SH3PXD2B: variants seen among roughly 807,000 people sequenced by gnomAD.
SH3PXD2B encodes SH3 and PX domains 2B, also known as SH3 and PX domain-containing protein 2B.
Under a neutral mutation model 73.1 loss-of-function variants are expected in SH3PXD2B, and 37 were observed. That is an observed-to-expected ratio of 0.51 (90% confidence interval 0.39 to 0.67). The LOEUF is 0.67. Ranked by LOEUF, SH3PXD2B falls within the 30% of genes least tolerant of loss-of-function variation. SH3PXD2B has a pLI of 0.00. For synonymous variants in SH3PXD2B, 457 were observed against 480.5 expected (o/e 0.95, Z 0.64); for missense variants, 1,053 against 1,197.8 (o/e 0.88, Z 1.78).
intron 6 of SH3PXD2B, among the ~76,000 whole-genome samples, chr5:172,365,223 C>T (rs1439704312): frequency 6.6e-6 from 1 of 152,172 alleles, no homozygotes; most frequent in African/African-American, 2.4e-5. Context: ...GGGCAGGAAG[C>T]AGCCTCAATG....
chr5:172,451,658 C>T (rs1471363359), intron 1 of SH3PXD2B, among the ~76,000 whole-genome samples: 2 of 152,176 alleles, frequency 1.3e-5, no homozygotes. Flanking sequence ...AGTTCAACTC[C>T]CCAGCTGATG....
At chr5:172,432,732 T>G (rs1263604174) in intron 1 of SH3PXD2B, among the ~76,000 whole-genome samples, 1 of 152,096 alleles carries the variant, frequency 6.6e-6, no homozygotes, top group Non-Finnish European at 1.5e-5. Context: ...GCCTGGCTGG[T>G]GAACCTCCGT....
chr5:172,368,498 A>ATATATATATAAAATATATATTTAT (rs1757587764), intron 6 of SH3PXD2B, among the ~76,000 whole-genome samples: 1 of 5,834 alleles, frequency 1.7e-4, no homozygotes, highest in Non-Finnish European at 3.0e-4. Context: ...TATATATATT[A>ATATATATATAAAATATATATTTAT]TATATATATA....
chr5:172,367,380 CTCTCA>C (rs111280775), intron 6 of SH3PXD2B, among the ~76,000 whole-genome samples: 8,660 of 148,042 alleles, frequency 0.058, 401 homozygotes, highest in African/African-American at 0.13. Context: ...TCTAATCCCC[CTCTCA>C]TCAGTTTTTT....
chr5:172,352,233 T>C (rs994741517), intron 9 of SH3PXD2B, among the ~76,000 whole-genome samples: 7 of 152,158 alleles, frequency 4.6e-5, no homozygotes, highest in African/African-American at 1.7e-4. Flanking sequence ...AAAAAACTAA[T>C]GTCTTTAAAT....
At chr5:172,369,535 C>A (rs979782229) in intron 6 of SH3PXD2B, among the ~76,000 whole-genome samples, 1 of 151,898 alleles carries the variant, frequency 6.6e-6, no homozygotes, top group Non-Finnish European at 1.5e-5. Context: ...TTTGGGAGGC[C>A]GAGGTGGGCG....
At chr5:172,400,272 A>T (rs905808015) in intron 3 of SH3PXD2B, among the ~76,000 whole-genome samples, 2 of 152,194 alleles carry the variant, frequency 1.3e-5, no homozygotes, top group Non-Finnish European at 2.9e-5. Flanking sequence ...AGACTGTGTT[A>T]ACTCACATGC....
Position 172,339,532 on chromosome 5 carries a change from G to C in SH3PXD2B, c.1573C>G (p.Arg525Gly). ...DMEEKPSLPP[R>G]KESIIKSEGE... is the part of the protein sequence containing the mutation. ...TCCGACTTGATGATGGATTCTTTCC[G>C]CGGAGGGAGGCTGGGCTTCTCCTCC... Residue 525 changes from arginine (R) to glycine (G), a missense_variant, in exon 13 of 13, where the codon CGG becomes GGG. Physicochemically the swap from Arg to Gly is moderately radical, Grantham distance 125. Coordinates refer to ENST00000311601, the MANE Select transcript of SH3PXD2B (RefSeq NM_001017995.3). This position sits in a 1 kb window ranked among gnomAD's most constrained non-coding sequence, Gnocchi z 6.1. 6.2e-7 allele frequency: 1 copy of C among 1,614,114 alleles called. No individual in the cohort carries two copies. Among genetic ancestry groups the C allele is most frequent in the Non-Finnish European group, 8.5e-7 (1 of 1,180,024 alleles).
intron 7 of SH3PXD2B, among the ~76,000 whole-genome samples, chr5:172,360,687 C>G (rs1757380570): frequency 6.6e-6 from 1 of 152,112 alleles, no homozygotes; most frequent in South Asian, 2.1e-4. Flanking sequence ...CAAAACTTGA[C>G]CAGGCATGGT....
At chr5:172,436,019 A>G (rs1300305583) in intron 1 of SH3PXD2B, among the ~76,000 whole-genome samples, 1 of 152,220 alleles carries the variant, frequency 6.6e-6, no homozygotes, top group East Asian at 1.9e-4. Flanking sequence ...TCCATTTTAC[A>G]AATGAAGATA....
intron 8 of SH3PXD2B, among the ~76,000 whole-genome samples, chr5:172,357,244 C>T (rs910810467): frequency 1.7e-4 from 25 of 151,390 alleles, no homozygotes; most frequent in Admixed American, 1.2e-3. Context: ...GCCAACATGG[C>T]GAAACCCCGT....
chr5:172,368,514 A>T (rs13174417), intron 6 of SH3PXD2B, among the ~76,000 whole-genome samples: 6 of 21,752 alleles, frequency 2.8e-4, no homozygotes, highest in African/African-American at 5.6e-4. Context: ...ATATATATAA[A>T]ATATATATAT....
chr5:172,413,919 T>C (rs1315225277), intron 2 of SH3PXD2B, among the ~76,000 whole-genome samples: 1 of 152,228 alleles, frequency 6.6e-6, no homozygotes, highest in Non-Finnish European at 1.5e-5. Flanking sequence ...ATATGGTTGG[T>C]GGAGTCTTGG....
intron 10 of SH3PXD2B, among the ~76,000 whole-genome samples, chr5:172,349,452 G>A (rs183257957): frequency 1.3e-5 from 2 of 152,352 alleles, no homozygotes; most frequent in Admixed American, 1.3e-4. Flanking sequence ...TCTACTCTCA[G>A]GTGTGTTGGG....
At chr5:172,417,745 G>A (rs1758857827) in intron 2 of SH3PXD2B, among the ~76,000 whole-genome samples, 1 of 152,132 alleles carries the variant, frequency 6.6e-6, no homozygotes, top group African/African-American at 2.4e-5. Flanking sequence ...TTTGCTTGGT[G>A]CTCGACAGCC....
rs1003864017 is a variant in SH3PXD2B at position 172,335,434 on chromosome 5, C to T, written c.*2935G>A. ...GACACGAGGGAAAGAACAACAACAA[C>T]AAAACCAAACAAACCCAAACTCGAG... is the stretch of plus-strand genomic sequence containing the variant. On this transcript the variant is annotated 3_prime_UTR_variant, in exon 13 of 13. Transcript: ENST00000311601. 10 of 1,171,636 alleles carry T rather than the reference C, an allele frequency of 8.5e-6. No individual in the cohort carries two copies. Among genetic ancestry groups the T allele is most frequent in the African/African-American group, 1.9e-5 (1 of 52,500 alleles). 72.6% of individuals were successfully genotyped at this position (1,171,636 alleles called of 1,614,324 possible). A position where few individuals can be genotyped will look rare whatever the true frequency, so the allele number is the denominator to read the frequency against.
intron 8 of SH3PXD2B, among the ~76,000 whole-genome samples, chr5:172,354,796 G>C (rs1394601396): frequency 1.3e-5 from 2 of 152,206 alleles, no homozygotes; most frequent in Non-Finnish European, 2.9e-5. Flanking sequence ...TCATTCGTGT[G>C]ACTGGGATGT....
chr5:172,385,764 C>G (rs1463601537), intron 4 of SH3PXD2B, among the ~76,000 whole-genome samples: 1 of 152,188 alleles, frequency 6.6e-6, no homozygotes, highest in African/African-American at 2.4e-5. Context: ...TTGAGCTATG[C>G]CTAGGAAGTA....
intron 1 of SH3PXD2B, among the ~76,000 whole-genome samples, chr5:172,451,855 G>C (rs1318879385): frequency 6.6e-6 from 1 of 152,242 alleles, no homozygotes; most frequent in Non-Finnish European, 1.5e-5. Context: ...TGCCATCAAG[G>C]CAGTAAATGT....
Sources: gnomAD v4.1 joint callset for allele counts (sites outside exome capture counted in the v4.1 genomes callset) on GRCh38, gnomAD v4.1.1 for gene constraint, Gnocchi (gnomAD v3.1) non-coding constraint, MANE v1.5 for transcripts, NCBI Gene and HGNC (gene_info 2026-07-23, HGNC 2026-07-21) for gene names.